The following BAZ2B variants were observed in gnomAD, a reference collection of about 807,000 sequenced individuals.
BAZ2B encodes bromodomain adjacent to zinc finger domain 2B.
BAZ2B carries 91 observed loss-of-function variants against 246.0 expected under a neutral mutation model. The observed-to-expected ratio is 0.37, with a 90% CI of 0.31 to 0.44. The LOEUF (loss-of-function observed/expected upper bound fraction) is 0.44. Among genes scored for constraint, BAZ2B ranks in the 20% least tolerant of loss-of-function variants. The pLI is 1.00. For synonymous variants in BAZ2B, 855 were observed against 860.0 expected, an observed-to-expected ratio of 0.99 and a Z score of 0.10; for missense variants, 2,332 against 2,533.7, an observed-to-expected ratio of 0.92 and a Z score of 1.71.
chr2:159,488,185 G>A (rs1158104764), intron 2 of BAZ2B, among the ~76,000 whole-genome samples: 2 of 151,966 alleles, frequency 1.3e-5, no homozygotes, highest in Non-Finnish European at 2.9e-5. Flanking sequence ...TAATTCTTCC[G>A]CTTCAGCCTC....
At chr2:159,438,848 G>A (rs564922045) in intron 7 of BAZ2B, 153 bp from the exon 8 acceptor site, 245 of 1,206,260 alleles carry the variant, frequency 2.0e-4, no homozygotes, top group African/African-American at 4.3e-4. Context: ...AAGAAATACC[G>A]TATGTCCCTT....
intron 2 of BAZ2B, among the ~76,000 whole-genome samples, chr2:159,497,928 A>G (rs2081330962): frequency 6.6e-6 from 1 of 152,100 alleles, no homozygotes; most frequent in South Asian, 2.1e-4. Flanking sequence ...TATACGCCCT[A>G]GTGTTCCTTT....
At chr2:159,459,287 C>T (rs926227390) in intron 3 of BAZ2B, 17 of 152,228 alleles carry the variant, frequency 1.1e-4, no homozygotes, top group African/African-American at 4.1e-4. Flanking sequence ...AGAGGCAACA[C>T]TTCATAATAC....
At chr2:159,570,173 TTTTTTTTTG>T (rs965875977) in intron 1 of BAZ2B, among the ~76,000 whole-genome samples, 6 of 101,756 alleles carry the variant, frequency 5.9e-5, no homozygotes, top group African/African-American at 2.2e-4. Context: ...TTCATTAAAG[TTTTTTTTTG>T]TTTTTTTTGT....
At chr2:159,441,640 T>A (rs2073409956) in intron 6 of BAZ2B, among the ~76,000 whole-genome samples, 1 of 142,822 alleles carries the variant, frequency 7.0e-6, no homozygotes, top group Non-Finnish European at 1.6e-5. Flanking sequence ...ACTTACAAAT[T>A]TTTTAAATTT....
At chr2:159,400,842 C>T (rs947612503) in intron 16 of BAZ2B, among the ~76,000 whole-genome samples, 178 bp from the exon 17 acceptor site, 1 of 152,018 alleles carries the variant, frequency 6.6e-6, no homozygotes, top group Non-Finnish European at 1.5e-5. Flanking sequence ...AGATCGAGAC[C>T]ATCCTGGCTA....
intron 16 of BAZ2B, among the ~76,000 whole-genome samples, chr2:159,401,664 T>C (rs2065089737): frequency 6.6e-6 from 1 of 152,188 alleles, no homozygotes; most frequent in African/African-American, 2.4e-5. Flanking sequence ...GTACACGTTG[T>C]CTAAATTTAA....
intron 2 of BAZ2B, among the ~76,000 whole-genome samples, chr2:159,546,243 G>T (rs540527935): frequency 6.6e-6 from 1 of 152,068 alleles, no homozygotes; most frequent in Non-Finnish European, 1.5e-5. Context: ...AATTACGGGG[G>T]CGGGTCCTTC....
At chr2:159,462,958 G>C (rs962392775) in intron 3 of BAZ2B, 1 of 1,064,358 alleles carries the variant, frequency 9.4e-7, no homozygotes, top group African/African-American at 1.6e-5. Flanking sequence ...TTCTATAAGT[G>C]ATCAAATGTA....
chr2:159,522,475 CCAGA>C (rs1245996315), intron 2 of BAZ2B, among the ~76,000 whole-genome samples: 1 of 152,142 alleles, frequency 6.6e-6, no homozygotes, highest in African/African-American at 2.4e-5. Context: ...ACTAAAACAT[CCAGA>C]GTCAAACAGA....
At position 159,438,660 on chromosome 2, in the gene BAZ2B, A is replaced by C; in HGVS notation, c.936T>G (p.Asp312Glu). ...GGGCTTTTTCAGTTGCTTTCTGTCC[A>C]TCTGCTTTTGGGTCTGAAATACCAT... The part of the protein sequence containing the change: ...LLHGISDPKA[D>E]GQKATEKAQE... Residue 312 changes from aspartate (D) to glutamate (E), a missense_variant, in exon 8 of 37, where the codon GAT (aspartate) becomes GAG (glutamate). By Grantham distance (45) the Asp-to-Glu change is conservative. Transcript: ENST00000392783. 1 of 1,611,638 alleles carries C rather than the reference A, an allele frequency of 6.2e-7. No individual in the cohort carries two copies. The highest frequency in any genetic ancestry group is 1.1e-5 in the South Asian group (1 of 90,642).
intron 1 of BAZ2B, among the ~76,000 whole-genome samples, chr2:159,598,426 T>C (rs910508749): frequency 6.6e-6 from 1 of 152,252 alleles, no homozygotes; most frequent in African/African-American, 2.4e-5. Flanking sequence ...GTTAAGATTA[T>C]ATAGATAACA....
At position 159,364,137 on chromosome 2, in the gene BAZ2B, C is replaced by T. The variant is rs529283281; in HGVS notation, c.4213+8908G>A. On this transcript the variant is annotated intron_variant, in intron 27 of 36. Transcript: ENST00000392783. ...TACTCTCTTCCAAGGGATCCCTAAC[C>T]ATGTACCCCAGATGATTATGCTGGA... Among the ~76,000 whole-genome samples the T allele has an allele frequency of 8.5e-5, 13 of 152,236 alleles. No individual in the cohort carries two copies. The South Asian group carries it at 2.7e-3, about 32-fold the overall frequency.
chr2:159,452,577 C>A (rs995869578), intron 4 of BAZ2B, among the ~76,000 whole-genome samples: 2 of 152,182 alleles, frequency 1.3e-5, no homozygotes, highest in African/African-American at 4.8e-5. Context: ...ATCTTACATA[C>A]ACTAAAACAT....
At chr2:159,690,994 T>C in the BAZ2B span, among the ~76,000 whole-genome samples, 8 of 152,162 alleles carry the variant, frequency 5.3e-5, no homozygotes, top group Non-Finnish European at 1.0e-4. Context: ...GTGTTTTCCA[T>C]TATGATGATG....
intron 3 of BAZ2B, among the ~76,000 whole-genome samples, chr2:159,477,570 T>C (rs938982605): frequency 2.0e-5 from 3 of 152,074 alleles, no homozygotes; most frequent in African/African-American, 7.2e-5. Context: ...ATCACATTTA[T>C]GCAAAAGTTT....
the BAZ2B span, among the ~76,000 whole-genome samples, chr2:159,638,294 C>G: frequency 6.6e-6 from 1 of 152,172 alleles, no homozygotes; most frequent in South Asian, 2.1e-4. Context: ...CAAGCCCAGA[C>G]GGTGGAGACT....
At chr2:159,621,560 A>T (rs1264286911), upstream of BAZ2B, among the ~76,000 whole-genome samples, 1 of 152,238 alleles carries the variant, frequency 6.6e-6, no homozygotes, top group African/African-American at 2.4e-5. Context: ...CTGGCACATG[A>T]ATAAAAAACC....
rs757800089 is a variant in BAZ2B at position 159,431,013 on chromosome 2, G to A, written c.2044C>T (p.Pro682Ser). 2 of 1,613,880 alleles carry A rather than the reference G, an allele frequency of 1.2e-6. No individual in the cohort carries two copies. The highest frequency in any genetic ancestry group is 1.7e-6 in the Non-Finnish European group (2 of 1,179,874). Reference protein sequence around the residue: ...LNKTTSSVKSPSMSLTGHSTP... With the variant: ...LNKTTSSVKSSSMSLTGHSTP... ...GAGTGACCTGTGAGACTCATGGAAG[G>A]GCTTTTGACAGAGGAAGTTGTTTTA... Residue 682 changes from proline (P) to serine (S), a missense_variant, in exon 10 of 37, where the codon CCT becomes TCT. Coordinates refer to ENST00000392783, the MANE Select transcript of BAZ2B (RefSeq NM_013450.4).
Sources: gnomAD v4.1 joint callset for allele counts (sites outside exome capture counted in the v4.1 genomes callset) on GRCh38, gnomAD v4.1.1 for gene constraint, MANE v1.5 for transcripts, NCBI Gene and HGNC (gene_info 2026-07-23, HGNC 2026-07-21) for gene names.